The following TRMU variants were observed in gnomAD, a reference collection of about 807,000 sequenced individuals.
The protein encoded by TRMU is mitochondrial tRNA-specific 2-thiouridylase 1.
A neutral mutation model predicts 46.9 loss-of-function variants in TRMU; 49 were observed. That is an observed-to-expected ratio of 1.05 (90% CI 0.83 to 1.33). TRMU has a LOEUF of 1.33. Among genes scored for constraint, TRMU ranks in the 40% most tolerant of loss-of-function variants. The pLI, the probability that TRMU is intolerant of heterozygous loss-of-function variation, is 0.00. For synonymous variants in TRMU, 241 were observed against 200.9 expected, an observed-to-expected ratio of 1.20 and a Z score of -1.69; for missense variants, 572 against 532.4, an observed-to-expected ratio of 1.07 and a Z score of -0.73.
chr22:46,355,160 C>G, intron 8 of TRMU: 1 of 546,112 alleles, frequency 1.8e-6, no homozygotes, highest in African/African-American at 1.9e-5. Flanking sequence ...CAGACTTGAA[C>G]CTGCAGCATT....
intron 8 of TRMU, 73 bp downstream of exon 8, chr22:46,353,940 T>G (rs2078516588): frequency 7.0e-7 from 1 of 1,428,092 alleles, no homozygotes; most frequent in South Asian, 1.2e-5. Flanking sequence ...AGACCAGGGC[T>G]TGAGAAGGCC....
Position 46,350,589 on chromosome 22 carries a change from C to A in TRMU, c.651+126C>A. ...CCAGGACCTAACATCAAAGGCGGGC[C>A]TTGGAGCAATAGATGGAGGAGTTTG... On this transcript the variant is annotated intron_variant, in intron 5 of 10. Coordinates refer to ENST00000645190, the MANE Select transcript of TRMU (RefSeq NM_018006.5). This position sits in a 1 kb window ranked among gnomAD's most constrained non-coding sequence, Gnocchi z 4.6. 8.2e-7 allele frequency: 1 copy of A among 1,221,688 alleles called. No individual in the cohort carries two copies. Among genetic ancestry groups the A allele is most frequent in the Non-Finnish European group, 1.2e-6 (1 of 844,934 alleles). 75.7% of individuals were successfully genotyped at this position (1,221,688 alleles called of 1,614,324 possible). A position where few individuals can be genotyped will look rare whatever the true frequency, so the allele number is the denominator to read the frequency against.
chr22:46,347,468 C>T lies in TRMU; in HGVS notation c.478+924C>T, dbSNP rs2078290334. On this transcript the variant is annotated intron_variant, in intron 4 of 10. Coordinates refer to ENST00000645190, the MANE Select transcript of TRMU (RefSeq NM_018006.5). This position sits in a 1 kb window ranked among gnomAD's most constrained non-coding sequence, Gnocchi z 5.0. ...CTGGGCTCAAGTGATCCTCCCACCT[C>T]AGCCCCACCAAGTAGCTGGGACCAC... 1 of 152,264 alleles carries T rather than the reference C, an allele frequency of 6.6e-6. No individual in the cohort carries two copies. The highest frequency in any genetic ancestry group is 2.1e-4 in the South Asian group (1 of 4,834). The allele number at this position is 152,264 out of a possible 1,614,324, so 9.4% of individuals were successfully genotyped here. A position where few individuals can be genotyped will look rare whatever the true frequency, so the allele number is the denominator to read the frequency against.
At position 46,335,784 on chromosome 22, in the gene TRMU, T is replaced by C. The variant is rs749389507; in HGVS notation, c.20T>C (p.Val7Ala). The C allele has an allele frequency of 5.1e-6, 8 of 1,557,456 alleles. No homozygotes were observed. The Admixed American group carries it at 5.7e-5, about 11-fold the overall frequency. ...TGGCGGATGCAGGCCTTGCGGCACGTCGTGTGCGCCCTGTCCGGCGGCGTG... is the reference window on the plus strand; with the variant it reads ...TGGCGGATGCAGGCCTTGCGGCACGCCGTGTGCGCCCTGTCCGGCGGCGTG... MQALRH[V>A]VCALSGGVDS... The change falls in exon 1 of 11, where the codon GTC becomes GCC. Residue 7 changes from valine (V) to alanine (A), a missense_variant. Coordinates refer to ENST00000645190, the MANE Select transcript of TRMU (RefSeq NM_018006.5).
intron 10 of TRMU, chr22:46,356,578 T>C (rs550920995): frequency 5.6e-6 from 3 of 540,390 alleles, no homozygotes; most frequent in African/African-American, 1.9e-5. Context: ...GACCTGCCAG[T>C]CCCTTGGAGT....
At chr22:46,343,740 G>A (rs1260467840) in intron 3 of TRMU, among the ~76,000 whole-genome samples, 2 of 152,108 alleles carry the variant, frequency 1.3e-5, no homozygotes, top group African/African-American at 2.4e-5. Context: ...GATGTCTGTG[G>A]CTATGCTTTA....
intron 9 of TRMU, 193 bp from the exon 10 acceptor site, chr22:46,355,797 C>A: frequency 9.7e-7 from 1 of 1,036,216 alleles, no homozygotes; most frequent in Non-Finnish European, 1.4e-6. Flanking sequence ...CAGGCCCCGG[C>A]GTGTTGGGCT....
Position 46,336,700 on chromosome 22 carries a change from A to G in TRMU, c.82+854A>G, listed in dbSNP as rs539475110. 3.3e-5 allele frequency: 5 copies of G among 152,420 alleles called. No homozygotes were observed. In the South Asian group the frequency reaches 1.0e-3, roughly 32 times the overall value. 9.4% of individuals were successfully genotyped at this position (152,420 alleles called of 1,614,324 possible). On this transcript the variant is annotated intron_variant, in intron 1 of 10. Transcript: ENST00000645190. This position sits in a 1 kb window ranked among gnomAD's most constrained non-coding sequence, Gnocchi z 4.1. ...AAAACAGTAGTGGCTATTAGTTTATATTGTTAATAACCATAGCTATTATGG... is the reference window on the plus strand; with the variant it reads ...AAAACAGTAGTGGCTATTAGTTTATGTTGTTAATAACCATAGCTATTATGG...
In TRMU at chr22:46,357,095, C is replaced by T; in HGVS notation, c.*89C>T. 6.4e-7 allele frequency: 1 copy of T among 1,568,886 alleles called. No individual in the cohort carries two copies. Among genetic ancestry groups the T allele is most frequent in the South Asian group, 1.1e-5 (1 of 88,198 alleles). Reference sequence around the variant, plus strand: ...GTCCAGGTGCCCAAGGGCCAGCTTGCTGCTGCCCAAAGCAGAGGAAGCCGG... The same window carrying T: ...GTCCAGGTGCCCAAGGGCCAGCTTGTTGCTGCCCAAAGCAGAGGAAGCCGG... On this transcript the variant is annotated 3_prime_UTR_variant, in exon 11 of 11. Transcript: ENST00000645190.
intron 7 of TRMU, chr22:46,352,787 C>A (rs2078473060): frequency 3.3e-6 from 1 of 304,060 alleles, no homozygotes. Context: ...ATGTGCAGAC[C>A]CTTACTGCGG....
rs780101339 is a variant in TRMU at position 46,350,274 on chromosome 22, TTC to T, written c.479-15_479-14del. 5.0e-6 allele frequency: 8 copies of T among 1,614,180 alleles called. No homozygotes were observed. Among genetic ancestry groups the T allele is most frequent in the Non-Finnish European group, 6.8e-6 (8 of 1,179,994 alleles). The stretch of plus-strand genomic sequence containing the variant: ...ATTTTTATTCCTGCATCGTCTTTTG[TTC>T]TTTATTCTTGGCAGCGGTAAAACTC... On this transcript the variant is annotated splice_polypyrimidine_tract_variant and intron_variant, in intron 4 of 10. Transcript: ENST00000645190. The surrounding 1 kb of genome is among the most constrained non-coding windows in gnomAD (Gnocchi z 4.6).
At chr22:46,356,152 G>A in intron 10 of TRMU, 80 bp downstream of exon 10, 1 of 1,530,188 alleles carries the variant, frequency 6.5e-7, no homozygotes, top group Non-Finnish European at 9.0e-7. Context: ...ACAGAGGAAG[G>A]GGCTGAGGCC....
intron 2 of TRMU, among the ~76,000 whole-genome samples, chr22:46,340,943 C>G (rs543441356): frequency 9.5e-4 from 145 of 152,350 alleles, no homozygotes; most frequent in Non-Finnish European, 1.7e-3. Flanking sequence ...ACCAGCTGCC[C>G]GTGGAGGCAT....
intron 3 of TRMU, among the ~76,000 whole-genome samples, chr22:46,344,207 C>A (rs1356407119): frequency 3.9e-5 from 6 of 152,174 alleles, no homozygotes. Context: ...TGCAGAAAAT[C>A]TGGGGGATTT....
chr22:46,341,955 T>C (rs935121339), intron 2 of TRMU, among the ~76,000 whole-genome samples: 1 of 151,864 alleles, frequency 6.6e-6, no homozygotes, highest in Admixed American at 6.6e-5. Context: ...AGCCTCTGAC[T>C]GTGTTTCTCC....
intron 1 of TRMU, among the ~76,000 whole-genome samples, chr22:46,337,186 C>G (rs902479859): frequency 7.2e-5 from 11 of 152,140 alleles, no homozygotes; most frequent in Non-Finnish European, 1.2e-4. Flanking sequence ...TTACATTCAG[C>G]CTACCTAAAC....
Position 46,338,936 on chromosome 22 carries a change from A to C in TRMU, c.248+992A>C, listed in dbSNP as rs137858146. Among the ~76,000 whole-genome samples, 3 of 152,146 alleles carry C rather than the reference A, an allele frequency of 2.0e-5. No homozygotes were observed. The highest frequency in any genetic ancestry group is 4.4e-5 in the Non-Finnish European group (3 of 68,000). On this transcript the variant is annotated intron_variant, in intron 2 of 10. Coordinates refer to ENST00000645190, the MANE Select transcript of TRMU (RefSeq NM_018006.5). The surrounding 1 kb of genome is among the most constrained non-coding windows in gnomAD (Gnocchi z 4.5). ...GTAGCTTATTATATGACCTTGGGCA[A>C]TTTACTTGACTTTGTTTTTTTAATT...
At chr22:46,353,729 T>G in intron 7 of TRMU, 38 bp from the exon 8 acceptor site, 1 of 1,598,376 alleles carries the variant, frequency 6.3e-7, no homozygotes. Context: ...GGGCTGTAAC[T>G]TGTTGCCCAG....
At chr22:46,352,576 G>A (rs1009653548) in intron 7 of TRMU, 11 of 594,500 alleles carry the variant, frequency 1.9e-5, no homozygotes, top group Admixed American at 5.8e-5. Flanking sequence ...CCTCTGACTT[G>A]GAAGGACTAT....
Sources: allele counts gnomAD v4.1 joint callset (sites outside exome capture counted in the v4.1 genomes callset), GRCh38; gene constraint gnomAD v4.1.1; non-coding constraint Gnocchi (gnomAD v3.1); transcripts MANE v1.5; gene names NCBI Gene and HGNC (gene_info 2026-07-23, HGNC 2026-07-21).